Variants in HUWE1 observed in about 807,000 individuals in gnomAD.
HUWE1 encodes HECT, UBA and WWE domain containing E3 ubiquitin protein ligase 1.
HUWE1 carries 18 observed loss-of-function variants against 299.4 expected under a neutral mutation model. That is an observed-to-expected ratio of 0.06 (90% confidence interval 0.04 to 0.09). The LOEUF is 0.09. Ranked by LOEUF, HUWE1 falls within the 10% of genes least tolerant of loss-of-function variation. The pLI, the probability that HUWE1 is intolerant of heterozygous loss-of-function variation, is 1.00. For missense variants in HUWE1, 1,832 were observed against 3,462.3 expected (o/e 0.53, Z 11.82); for synonymous variants, 1,317 against 1,286.1 (o/e 1.02, Z -0.51).
At position 53,620,251 on chromosome X, in the gene HUWE1, A is replaced by ATTTTT. The variant is rs200512159; in HGVS notation, c.1673-2806_1673-2805insAAAAA. 3.6e-5 allele frequency among the ~76,000 whole-genome samples: 3 copies of ATTTTT among 84,329 alleles called. 1 individual carries two copies. Among genetic ancestry groups the ATTTTT allele is most frequent in the Non-Finnish European group, 2.5e-5 (1 of 39,771 alleles). The allele number at this position is 84,329 out of a possible 115,157, so 73.2% of individuals were successfully genotyped here. ...AACAAGGCATCACCTTGGAGCTTCC[A>ATTTTT]TTTGTCTTTTTTTTTTTTTTTTGAG... On this transcript the variant is annotated intron_variant, in intron 19 of 83. Coordinates refer to ENST00000262854, the MANE Select transcript of HUWE1 (RefSeq NM_031407.7).
At chrX:53,638,209 G>T (rs983301296) in intron 7 of HUWE1, among the ~76,000 whole-genome samples, 1 of 111,239 alleles carries the variant, frequency 9.0e-6, no homozygotes, top group African/African-American at 3.3e-5. Context: ...GCATGGTGAC[G>T]GGCGCCTGTA....
intron 47 of HUWE1, among the ~76,000 whole-genome samples, chrX:53,572,663 T>G (rs1387240643): frequency 1.8e-5 from 2 of 112,238 alleles, no homozygotes; most frequent in Admixed American, 9.4e-5. Flanking sequence ...CTGAGGATAA[T>G]TCTGCATCAG....
At chrX:53,567,038 A>G (rs137936431) in intron 49 of HUWE1, among the ~76,000 whole-genome samples, 379 of 112,217 alleles carry the variant, frequency 3.4e-3, no homozygotes, top group African/African-American at 0.012. Context: ...TGTATATAAA[A>G]TTGTATAAAT....
chrX:53,552,663 C>G lies in HUWE1; in HGVS notation c.8725G>C (p.Glu2909Gln), dbSNP rs1556930248. Residue 2909 changes from glutamate (E) to glutamine (Q), a missense_variant, in exon 62 of 84, where the codon GAA becomes CAA. Transcript: ENST00000262854. ...CTGTCCTCAGGTGGCTGGGCAGATT[C>G]CCCTGACCCATCACTCCTGCCTTGC... ...EVQGRSDGSG[E>Q]SAQPPEDSSP... 1.7e-6 allele frequency: 2 copies of G among 1,211,916 alleles called. No homozygotes were observed. Among genetic ancestry groups the G allele is most frequent in the South Asian group, 3.5e-5 (2 of 57,016 alleles).
At chrX:53,654,035 T>C in intron 4 of HUWE1, 28 bp downstream of exon 4, 1 of 1,097,109 alleles carries the variant, frequency 9.1e-7, no homozygotes, top group Non-Finnish European at 1.3e-6. Context: ...GAAGAAAAAA[T>C]AAGCAAAGTA....
chrX:53,580,315 C>G (rs2148224886), intron 43 of HUWE1, among the ~76,000 whole-genome samples: 1 of 112,276 alleles, frequency 8.9e-6, no homozygotes, highest in East Asian at 2.8e-4. Flanking sequence ...CTACTTTTCT[C>G]TATAAGAAAT....
Position 53,628,919 on chromosome X carries a change from T to C in HUWE1, c.964-17A>G. On this transcript the variant is annotated splice_polypyrimidine_tract_variant and intron_variant, in intron 13 of 83. Transcript: ENST00000262854. ...TTTAATCTCCTATTAAATTAGAAGG[T>C]AAACACATAATGTGTCAAATATAAT... 4 of 1,167,926 alleles carry C rather than the reference T, an allele frequency of 3.4e-6. No homozygotes were observed. The highest frequency in any genetic ancestry group is 4.7e-6 in the Non-Finnish European group (4 of 857,187).
At chrX:53,575,925 T>C in intron 44 of HUWE1, 137 bp from the exon 45 acceptor site, 2 of 625,713 alleles carry the variant, frequency 3.2e-6, no homozygotes, top group Non-Finnish European at 4.9e-6. Flanking sequence ...TTACAGATAA[T>C]GTTAGAGTGC....
At chrX:53,586,983 TA>T in intron 37 of HUWE1, 74 bp from the exon 38 acceptor site, 1 of 1,075,269 alleles carries the variant, frequency 9.3e-7, no homozygotes. Flanking sequence ...TAGCATGGGA[TA>T]GGGGAGGGGA....
At chrX:53,597,978 AT>A (rs2064590709) in intron 29 of HUWE1, among the ~76,000 whole-genome samples, 1 of 112,021 alleles carries the variant, frequency 8.9e-6, no homozygotes, top group Admixed American at 9.4e-5. Context: ...AACAGGATTT[AT>A]GACAGCGCCA....
At chrX:53,608,997 G>T in intron 23 of HUWE1, 88 bp from the exon 24 acceptor site, 1 of 586,762 alleles carries the variant, frequency 1.7e-6, no homozygotes, top group South Asian at 2.3e-5. Flanking sequence ...TAAAATTCTA[G>T]GCCTTTTTCT....
rs782714213 is a variant in HUWE1 at position 53,549,030 on chromosome X, C to T, written c.9964G>A (p.Val3322Ile). ...GGAGCAGCTTGGGGATGGATGTGGA[C>T]GGTGGAGCCACCGCTTGCATGCTTC... The part of the protein sequence containing the change: ...TEKHASGGST[V>I]HIHPQAAPVV... Residue 3322 changes from valine (V) to isoleucine (I), a missense_variant, in exon 67 of 84, where the codon GTC becomes ATC. By Grantham distance (29) the Val-to-Ile change is conservative. Around this residue, in one of 15 missense-constraint regions of HUWE1, gnomAD observed 80 missense variants for 142.1 expected, o/e 0.56. Coordinates refer to ENST00000262854, the MANE Select transcript of HUWE1 (RefSeq NM_031407.7). The T allele has an allele frequency of 6.6e-6, 8 of 1,207,273 alleles. No individual in the cohort carries two copies. The highest frequency in any genetic ancestry group is 3.5e-5 in the African/African-American group (2 of 56,755).
chrX:53,629,409 T>C (rs1329327544), intron 13 of HUWE1, 107 bp downstream of exon 13: 1 of 550,386 alleles, frequency 1.8e-6, no homozygotes, highest in Non-Finnish European at 3.2e-6. Context: ...AGATGTCTCA[T>C]TATGTATATG....
chrX:53,542,417 G>A (rs782488564), intron 74 of HUWE1, 26 bp downstream of exon 74: 11 of 1,017,036 alleles, frequency 1.1e-5, no homozygotes, highest in East Asian at 6.1e-5. Flanking sequence ...CCTTTTGCTC[G>A]GCTGGAAACA....
Position 53,536,400 on chromosome X carries a change from G to A in HUWE1, c.12405C>T (p.His4135=). ...ECYFTRSFYK[H]ILGKSVRYTD... is the part of the protein sequence containing the mutation. ...CTCACCTGACTGACTTGCCCAAGAT[G>A]TGTTTGTAAAAGGATCGAGTAAAGT... The change falls in exon 79 of 84, where the codon CAC becomes CAT. Residue 4135 remains histidine, a synonymous_variant. Transcript: ENST00000262854. 6 of 1,211,324 alleles carry A rather than the reference G, an allele frequency of 5.0e-6. No homozygotes were observed. The highest frequency in any genetic ancestry group is 6.7e-6 in the Non-Finnish European group (6 of 895,290).
chrX:53,657,210 A>G (rs2068788284), intron 3 of HUWE1, among the ~76,000 whole-genome samples: 1 of 112,495 alleles, frequency 8.9e-6, no homozygotes, highest in Admixed American at 9.4e-5. Flanking sequence ...ATTGATTAAA[A>G]TATCTACAAA....
intron 66 of HUWE1, 64 bp from the exon 67 acceptor site, chrX:53,549,569 G>C (rs2061677975): frequency 3.1e-6 from 3 of 964,933 alleles, no homozygotes; most frequent in Non-Finnish European, 4.3e-6. Flanking sequence ...TTAGGCATAA[G>C]AATGGGGGAG....
intron 29 of HUWE1, among the ~76,000 whole-genome samples, chrX:53,598,281 G>A (rs980176489): frequency 5.4e-5 from 6 of 112,077 alleles, no homozygotes; most frequent in Non-Finnish European, 1.1e-4. Flanking sequence ...TATGGGCACC[G>A]AAACTAAAGC....
At chrX:53,574,535 T>C (rs1252784856) in intron 46 of HUWE1, among the ~76,000 whole-genome samples, 1 of 112,555 alleles carries the variant, frequency 8.9e-6, no homozygotes, top group African/African-American at 3.2e-5. Flanking sequence ...ATGCTTCCCT[T>C]GAATCAGCAC....
Sources: gnomAD v4.1 joint callset for allele counts (sites outside exome capture counted in the v4.1 genomes callset) on GRCh38, gnomAD v4.1.1 for gene constraint, gnomAD v4.1.1 regional missense constraint, MANE v1.5 for transcripts, NCBI Gene and HGNC (gene_info 2026-07-23, HGNC 2026-07-21) for gene names.